TNNI3K: variants seen among roughly 807,000 people sequenced by gnomAD.
TNNI3K encodes TNNI3 interacting kinase, also known as serine/threonine-protein kinase TNNI3K.
A neutral mutation model predicts 114.5 loss-of-function variants in TNNI3K; 140 were observed. The observed-to-expected ratio is 1.22, with a 90% CI of 1.07 to 1.41. The LOEUF (loss-of-function observed/expected upper bound fraction) is 1.41, where lower values mean the gene tolerates loss of function less well. Among genes scored for constraint, TNNI3K ranks in the 40% most tolerant of loss-of-function variants. The pLI, the probability that TNNI3K is intolerant of heterozygous loss-of-function variation, is 0.00. For synonymous variants in TNNI3K, 347 were observed against 347.5 expected, an observed-to-expected ratio of 1.00 and a Z score of 0.02; for missense variants, 1,125 against 1,007.6, an observed-to-expected ratio of 1.12 and a Z score of -1.58.
intron 17 of TNNI3K, among the ~76,000 whole-genome samples, chr1:74,385,466 A>G (rs1197138500): frequency 6.6e-6 from 1 of 152,200 alleles, no homozygotes; most frequent in Non-Finnish European, 1.5e-5. Context: ...ATGTAAAGTA[A>G]TGTGAATTGG....
intron 5 of TNNI3K, among the ~76,000 whole-genome samples, chr1:74,294,438 A>C (rs1309908535): frequency 1.3e-5 from 2 of 152,066 alleles, no homozygotes; most frequent in East Asian, 3.8e-4. Flanking sequence ...ATCTGTTGAT[A>C]CTGACACTGG....
At chr1:74,402,331 T>TA (rs1664406491) in intron 17 of TNNI3K, among the ~76,000 whole-genome samples, 1 of 152,152 alleles carries the variant, frequency 6.6e-6, no homozygotes, top group African/African-American at 2.4e-5. Context: ...TAGAGAGAAC[T>TA]ATGACAAAGC....
chr1:74,311,241 G>A (rs1658976555), intron 5 of TNNI3K, among the ~76,000 whole-genome samples: 1 of 152,068 alleles, frequency 6.6e-6, no homozygotes, highest in Non-Finnish European at 1.5e-5. Context: ...TTTCAGAAAT[G>A]TGAGCAATTA....
rs775454381 is a variant in TNNI3K at position 74,249,524 on chromosome 1, A to G, written c.215A>G (p.His72Arg). ...ACTGAAAATGGGCTGTCTCTACTTC[A>G]TTTATGTTGCATTTGTGGAGGTGAG... ...YRTENGLSLL[H>R]LCCICGGKKS... Residue 72 changes from histidine (H) to arginine (R), a missense_variant, in exon 3 of 25, where the codon CAT (histidine) becomes CGT (arginine). Physicochemically the swap from His to Arg is conservative, Grantham distance 29. Coordinates refer to ENST00000326637, the MANE Select transcript of TNNI3K (RefSeq NM_015978.3). 9 of 1,613,426 alleles carry G rather than the reference A, an allele frequency of 5.6e-6. No homozygotes were observed. The highest frequency in any genetic ancestry group is 7.6e-6 in the Non-Finnish European group (9 of 1,179,720).
chr1:74,519,671 A>G (rs1481641655), intron 23 of TNNI3K, among the ~76,000 whole-genome samples: 2 of 152,244 alleles, frequency 1.3e-5, no homozygotes, highest in East Asian at 3.8e-4. Flanking sequence ...TATAAAGTAA[A>G]TAGTCTTACA....
chr1:74,405,072 A>T (rs150518503), intron 17 of TNNI3K, among the ~76,000 whole-genome samples: 13 of 152,342 alleles, frequency 8.5e-5, no homozygotes, highest in Admixed American at 2.6e-4. Context: ...GACAGTGTTA[A>T]GCATTGGCAT....
At chr1:74,250,833 T>A (rs1376745402) in intron 4 of TNNI3K, 64 bp downstream of exon 4, 1 of 1,050,838 alleles carries the variant, frequency 9.5e-7, no homozygotes. Flanking sequence ...TCTTTAGGCT[T>A]TTTTTTTTTT....
At chr1:74,390,504 C>T (rs1411554841) in intron 17 of TNNI3K, among the ~76,000 whole-genome samples, 1 of 152,114 alleles carries the variant, frequency 6.6e-6, no homozygotes, top group Non-Finnish European at 1.5e-5. Context: ...CATCACAGTG[C>T]TTTGAGCAGT....
intron 17 of TNNI3K, among the ~76,000 whole-genome samples, chr1:74,410,211 A>G (rs544576785): frequency 5.4e-4 from 83 of 152,294 alleles, no homozygotes; most frequent in African/African-American, 1.9e-3. Flanking sequence ...CTATTTTTTA[A>G]TTATATGTTG....
At chr1:74,470,304 T>A (rs1224654096) in intron 21 of TNNI3K, 3 of 400,562 alleles carry the variant, frequency 7.5e-6, no homozygotes, top group African/African-American at 2.1e-5. Context: ...TTGTGATGCC[T>A]TTTAAGGTCA....
intron 19 of TNNI3K, among the ~76,000 whole-genome samples, chr1:74,438,777 T>A (rs1666246140): frequency 6.6e-6 from 1 of 152,132 alleles, no homozygotes; most frequent in Admixed American, 6.6e-5. Context: ...GTAAATAATG[T>A]CATCGAAACA....
At chr1:74,347,544 T>C (rs1661083471) in intron 9 of TNNI3K, among the ~76,000 whole-genome samples, 1 of 152,206 alleles carries the variant, frequency 6.6e-6, no homozygotes, top group African/African-American at 2.4e-5. Flanking sequence ...TCAAATGGTA[T>C]TGCTAATTCT....
intron 22 of TNNI3K, among the ~76,000 whole-genome samples, chr1:74,490,914 G>T (rs1258542493): frequency 6.6e-6 from 1 of 152,124 alleles, no homozygotes; most frequent in African/African-American, 2.4e-5. Flanking sequence ...AGTATCAAAT[G>T]GTGGAGACCT....
chr1:74,342,444 T>G (rs1343157523), intron 7 of TNNI3K, among the ~76,000 whole-genome samples: 1 of 152,068 alleles, frequency 6.6e-6, no homozygotes, highest in Non-Finnish European at 1.5e-5. Flanking sequence ...AACCCAAATC[T>G]CTGGGAATGG....
At chr1:74,305,428 T>G (rs1317261801) in intron 5 of TNNI3K, among the ~76,000 whole-genome samples, 1 of 152,188 alleles carries the variant, frequency 6.6e-6, no homozygotes, top group Non-Finnish European at 1.5e-5. Flanking sequence ...GCAGCCTCAA[T>G]GAAAGCCCAG....
intron 2 of TNNI3K, 95 bp downstream of exon 2, chr1:74,236,305 C>A: frequency 9.3e-7 from 1 of 1,075,888 alleles, no homozygotes; most frequent in Non-Finnish European, 1.3e-6. Context: ...CCCGTAGAAC[C>A]TCAGACATAA....
intron 2 of TNNI3K, chr1:74,240,504 C>A (rs1340396275): frequency 6.6e-6 from 1 of 152,144 alleles, no homozygotes; most frequent in African/African-American, 2.4e-5. Flanking sequence ...AGGATTGCAT[C>A]CATCTTTATT....
intron 5 of TNNI3K, among the ~76,000 whole-genome samples, chr1:74,289,484 G>GGGAATTACAGTCC (rs1657543083): frequency 3.1e-5 from 2 of 65,310 alleles, no homozygotes; most frequent in South Asian, 5.0e-4. Flanking sequence ...CCCATAGGTA[G>GGGAATTACAGTCC]TGTCATTAGT....
At chr1:74,241,529 A>G (rs1654208591) in intron 2 of TNNI3K, among the ~76,000 whole-genome samples, 1 of 152,214 alleles carries the variant, frequency 6.6e-6, no homozygotes, top group Non-Finnish European at 1.5e-5. Context: ...TCTGATGGCC[A>G]GTGATGATGA....
Sources: gnomAD v4.1 joint callset for allele counts (sites outside exome capture counted in the v4.1 genomes callset) on GRCh38, gnomAD v4.1.1 for gene constraint, MANE v1.5 for transcripts, NCBI Gene and HGNC (gene_info 2026-07-23, HGNC 2026-07-21) for gene names.